NACC2: variants seen among roughly 807,000 people sequenced by gnomAD.
The protein encoded by NACC2 is nucleus accumbens-associated protein 2.
NACC2 carries 8 observed loss-of-function variants against 25.1 expected under a neutral mutation model. The observed-to-expected ratio is 0.32, with a 90% CI of 0.19 to 0.57. The LOEUF is 0.57. Ranked by LOEUF, NACC2 falls within the 20% of genes least tolerant of loss-of-function variation. The pLI, the probability that NACC2 is intolerant of heterozygous loss-of-function variation, is 0.89. For synonymous variants in NACC2, 435 were observed against 294.7 expected, an observed-to-expected ratio of 1.48 and a Z score of -4.88; for missense variants, 644 against 650.2, an observed-to-expected ratio of 0.99 and a Z score of 0.10.
At chr9:136,090,911 C>T (rs898097668) in intron 1 of NACC2, among the ~76,000 whole-genome samples, 9 of 152,098 alleles carry the variant, frequency 5.9e-5, no homozygotes, top group African/African-American at 2.2e-4. Flanking sequence ...CACTTTCAGG[C>T]CCCTCTGTTC....
At chr9:136,045,586 C>A (rs961073067) in intron 2 of NACC2, among the ~76,000 whole-genome samples, 1 of 152,176 alleles carries the variant, frequency 6.6e-6, no homozygotes, top group African/African-American at 2.4e-5. Context: ...GGCGCAGGTC[C>A]GGGCAGCCCC....
intron 1 of NACC2, among the ~76,000 whole-genome samples, chr9:136,058,830 G>A (rs1289810135): frequency 6.6e-6 from 1 of 152,262 alleles, no homozygotes; most frequent in East Asian, 1.9e-4. Flanking sequence ...TGGGGCATGG[G>A]ATTGGACAAA....
At chr9:136,072,786 G>A (rs1830212254) in intron 1 of NACC2, among the ~76,000 whole-genome samples, 1 of 152,088 alleles carries the variant, frequency 6.6e-6, no homozygotes, top group Non-Finnish European at 1.5e-5. Flanking sequence ...GGAGGCGGAG[G>A]CTGTGGTGAG....
At chr9:136,074,989 G>C (rs1463841864) in intron 1 of NACC2, among the ~76,000 whole-genome samples, 4 of 152,248 alleles carry the variant, frequency 2.6e-5, no homozygotes, top group Admixed American at 6.5e-5. Flanking sequence ...TATGGGGCTG[G>C]GGGAACAGCA....
chr9:136,055,636 G>A lies in NACC2; in HGVS notation c.-59-5056C>T, dbSNP rs1180281768. Among the ~76,000 whole-genome samples the A allele has an allele frequency of 1.3e-5, 2 of 152,214 alleles. No homozygotes were observed. The highest frequency in any genetic ancestry group is 4.8e-5 in the African/African-American group (2 of 41,466). ...AGGATCACCACCAGCAAGGGGAAGG[G>A]AGGCGAGAAAAATTAAATTAAATTA... On this transcript the variant is annotated intron_variant, in intron 1 of 5. Coordinates refer to ENST00000277554, the MANE Select transcript of NACC2 (RefSeq NM_144653.5). This position sits in a 1 kb window ranked among gnomAD's most constrained non-coding sequence, Gnocchi z 4.9.
intron 1 of NACC2, among the ~76,000 whole-genome samples, chr9:136,073,196 G>A (rs867425561): frequency 5.9e-5 from 9 of 152,132 alleles, no homozygotes; most frequent in African/African-American, 1.9e-4. Context: ...GGGAGGCTGG[G>A]GTGGGAGGAT....
intron 2 of NACC2, among the ~76,000 whole-genome samples, chr9:136,037,767 C>T (rs1840575400): frequency 6.6e-6 from 1 of 151,984 alleles, no homozygotes; most frequent in Admixed American, 6.6e-5. Flanking sequence ...CCTCGGCTTC[C>T]CAAAGTGCTA....
chr9:136,080,709 G>A (rs1248959961), intron 1 of NACC2, among the ~76,000 whole-genome samples: 1 of 152,202 alleles, frequency 6.6e-6, no homozygotes, highest in African/African-American at 2.4e-5. Context: ...GTGGAGTGTG[G>A]GTTAGCTGGG....
chr9:136,041,420 A>G (rs1005581261), intron 2 of NACC2, among the ~76,000 whole-genome samples: 4 of 140,518 alleles, frequency 2.8e-5, no homozygotes, highest in Admixed American at 6.9e-5. Flanking sequence ...ATGATCTGAG[A>G]AAAAAAAAAA....
intron 5 of NACC2, 42 bp from the exon 6 acceptor site, chr9:136,012,066 G>GGGA (rs780949483): frequency 4.1e-6 from 6 of 1,472,258 alleles, no homozygotes; most frequent in African/African-American, 2.9e-5. Context: ...CCTGCCTGCC[G>GGGA]GGAGGCCCGC....
intron 1 of NACC2, among the ~76,000 whole-genome samples, chr9:136,058,298 C>T (rs1043947501): frequency 6.6e-6 from 1 of 152,246 alleles, no homozygotes; most frequent in African/African-American, 2.4e-5. Context: ...ATGGCCACCT[C>T]CATCCCTGCC....
At chr9:136,090,734 C>A (rs772698554) in intron 1 of NACC2, among the ~76,000 whole-genome samples, 1 of 152,004 alleles carries the variant, frequency 6.6e-6, no homozygotes, top group Non-Finnish European at 1.5e-5. Context: ...CATGACTATG[C>A]GGAGGCTGAT....
intron 2 of NACC2, among the ~76,000 whole-genome samples, chr9:136,046,263 G>A (rs1162982567): frequency 1.3e-5 from 2 of 152,220 alleles, no homozygotes; most frequent in Admixed American, 6.5e-5. Context: ...CCCTGACAAC[G>A]CCAGGCAGGG....
At chr9:136,044,195 AT>A (rs1376052382) in intron 2 of NACC2, among the ~76,000 whole-genome samples, 1 of 152,108 alleles carries the variant, frequency 6.6e-6, no homozygotes, top group Non-Finnish European at 1.5e-5. Context: ...CACACCACAG[AT>A]GCACCATATC....
chr9:136,024,543 TGTGA>T (rs1432618278), intron 2 of NACC2, among the ~76,000 whole-genome samples: 3,829 of 137,566 alleles, frequency 0.028, 83 homozygotes, highest in East Asian at 0.072. Context: ...GGACAGTGTG[TGTGA>T]GGACAGTGTG....
At chr9:136,085,967 T>C (rs1474055366) in intron 1 of NACC2, among the ~76,000 whole-genome samples, 1 of 149,112 alleles carries the variant, frequency 6.7e-6, no homozygotes, top group Non-Finnish European at 1.5e-5. Context: ...AGAACGGCTC[T>C]GATGGGAGGG....
intron 2 of NACC2, 48 bp from the exon 3 acceptor site, chr9:136,016,477 G>A: frequency 6.2e-7 from 1 of 1,604,118 alleles, no homozygotes; most frequent in Non-Finnish European, 8.5e-7. Flanking sequence ...GGGGGGCCGG[G>A]CTGCTCTGTG....
Position 136,018,139 on chromosome 9 carries a change from G to T in NACC2, c.887-1710C>A, listed in dbSNP as rs900400250. ...CTCCATGCAGAGCCCACCTGCGGCC[G>T]CACCGCACCAGGACGCTCAGAGGCA... On this transcript the variant is annotated intron_variant, in intron 2 of 5. Transcript: ENST00000277554. The surrounding 1 kb of genome is among the most constrained non-coding windows in gnomAD (Gnocchi z 4.4). 1.3e-5 allele frequency among the ~76,000 whole-genome samples: 2 copies of T among 152,138 alleles called. No individual in the cohort carries two copies. Among genetic ancestry groups the T allele is most frequent in the African/African-American group, 4.8e-5 (2 of 41,436 alleles).
intron 1 of NACC2, among the ~76,000 whole-genome samples, chr9:136,074,134 T>C (rs1171888056): frequency 6.6e-6 from 1 of 151,558 alleles, no homozygotes; most frequent in Non-Finnish European, 1.5e-5. Context: ...GATTATAGTC[T>C]CCACAAATAA....
Sources: gnomAD v4.1 joint callset for allele counts (sites outside exome capture counted in the v4.1 genomes callset) on GRCh38, gnomAD v4.1.1 for gene constraint, Gnocchi (gnomAD v3.1) non-coding constraint, MANE v1.5 for transcripts, NCBI Gene and HGNC (gene_info 2026-07-23, HGNC 2026-07-21) for gene names.